Variants in ZNF787 observed in about 807,000 individuals in gnomAD.
ZNF787 encodes the protein TTF-I-interacting peptide 20.
In ZNF787, 7 loss-of-function variants were observed where a neutral mutation model predicts 16.9. The observed-to-expected ratio is 0.42, with a 90% CI of 0.24 to 0.78. The LOEUF is 0.78. Ranked by LOEUF, ZNF787 falls within the 30% of genes least tolerant of loss-of-function variation. The probability of loss-of-function intolerance (pLI) is 0.30; values close to 1 mark genes in which losing one functional copy is unlikely to be tolerated. For synonymous variants in ZNF787, 345 were observed against 270.9 expected, an observed-to-expected ratio of 1.27 and a Z score of -2.69; for missense variants, 551 against 589.3, an observed-to-expected ratio of 0.94 and a Z score of 0.67.
chr19:56,099,567 C>T (rs1986008472), intron 2 of ZNF787, among the ~76,000 whole-genome samples: 2 of 152,050 alleles, frequency 1.3e-5, no homozygotes, highest in South Asian at 4.2e-4. Context: ...AAAAATCAGC[C>T]AGGCATGGTG....
At chr19:56,120,711 C>G (rs1002461634) in intron 1 of ZNF787, among the ~76,000 whole-genome samples, 4 of 152,098 alleles carry the variant, frequency 2.6e-5, no homozygotes, top group African/African-American at 4.8e-5. Flanking sequence ...ACCGCGCGGC[C>G]CCTTCCCCCA....
rs565935218 is a variant in ZNF787, at chr19:56,094,660, G to A, written c.80-5568C>T. On this transcript the variant is annotated intron_variant, in intron 2 of 2. Transcript: ENST00000610935. The stretch of plus-strand genomic sequence containing the variant: ...TTGTGATTATGCTGTTCTTTCACAC[G>A]CTGCACTGCCTCAGCTCGTTCACAA... Among the ~76,000 whole-genome samples the A allele has an allele frequency of 1.2e-4, 18 of 152,234 alleles. No homozygotes were observed. In the South Asian group the frequency reaches 1.2e-3, roughly 11 times the overall value.
At chr19:56,094,963 A>C (rs1360752982) in intron 2 of ZNF787, among the ~76,000 whole-genome samples, 2 of 152,054 alleles carry the variant, frequency 1.3e-5, no homozygotes, top group African/African-American at 4.8e-5. Context: ...AAAATACAAA[A>C]ATTAGCTGAG....
chr19:56,117,826 G>A (rs184275830), intron 1 of ZNF787, among the ~76,000 whole-genome samples: 74 of 152,332 alleles, frequency 4.9e-4, no homozygotes, highest in African/African-American at 1.7e-3. Flanking sequence ...AGGAATCCAT[G>A]GCTCTGACTG....
At chr19:56,120,128 G>A (rs1030952710) in intron 1 of ZNF787, among the ~76,000 whole-genome samples, 2 of 152,202 alleles carry the variant, frequency 1.3e-5, no homozygotes, top group Admixed American at 6.5e-5. Flanking sequence ...CCGGGTCTCA[G>A]TCTCTGCCTT....
At chr19:56,095,095 T>C (rs1985822204) in intron 2 of ZNF787, among the ~76,000 whole-genome samples, 1 of 152,132 alleles carries the variant, frequency 6.6e-6, no homozygotes, top group Admixed American at 6.6e-5. Flanking sequence ...GCCTCAGTGA[T>C]AGAGCGAGAC....
At chr19:56,090,628 C>G (rs550571297) in intron 2 of ZNF787, among the ~76,000 whole-genome samples, 1 of 152,192 alleles carries the variant, frequency 6.6e-6, no homozygotes, top group African/African-American at 2.4e-5. Context: ...TCAAGACTAT[C>G]CTGGCCAACA....
Position 56,102,862 on chromosome 19 carries a change from C to A in ZNF787, c.79+277G>T, listed in dbSNP as rs765938260. ...TCAACAGACGGGGGTGCTGCCCAGGCTGGAGGGGCAAGGACAGAGGAAGTC... is the reference window on the plus strand; with the variant it reads ...TCAACAGACGGGGGTGCTGCCCAGGATGGAGGGGCAAGGACAGAGGAAGTC... On this transcript the variant is annotated intron_variant, in intron 2 of 2. Coordinates refer to ENST00000610935, the MANE Select transcript of ZNF787 (RefSeq NM_001002836.4). 22 of 701,942 alleles carry A rather than the reference C, an allele frequency of 3.1e-5. 1 individual carries two copies. In the South Asian group the frequency reaches 3.3e-4, roughly 10 times the overall value. The allele number at this position is 701,942 out of a possible 1,614,324, so 43.5% of individuals were successfully genotyped here. A position where few individuals can be genotyped will look rare whatever the true frequency, so the allele number is the denominator to read the frequency against.
chr19:56,092,467 G>A (rs1985649057), intron 2 of ZNF787, among the ~76,000 whole-genome samples: 1 of 150,920 alleles, frequency 6.6e-6, no homozygotes, highest in Non-Finnish European at 1.5e-5. Context: ...ACTACTCCAG[G>A]AAGCCCAGGT....
In ZNF787 at chr19:56,088,027, C is replaced by T. The variant is rs1273650503; in HGVS notation, c.1145G>A (p.Arg382Gln). Residue 382 changes from arginine (R) to glutamine (Q), a missense_variant, in exon 3 of 3, where the codon CGG (arginine) becomes CAG (glutamine). By Grantham distance (43) the Arg-to-Gln change is conservative. Around this residue, in one of 4 missense-constraint regions of ZNF787, gnomAD observed 392 missense variants for 312.7 expected, o/e 1.25. Transcript: ENST00000610935. This position sits in a 1 kb window ranked among gnomAD's most constrained non-coding sequence, Gnocchi z 8.6. ...RCPECRGGEG[R>Q] Reference sequence around the variant, plus strand: ...CCCCCCCCCCGGGCCCCTCCCCTACCGGCCCTCCCCACCGCGGCACTCGGG... The same window carrying T: ...CCCCCCCCCCGGGCCCCTCCCCTACTGGCCCTCCCCACCGCGGCACTCGGG... 3 of 1,203,326 alleles carry T rather than the reference C, an allele frequency of 2.5e-6. No homozygotes were observed. Among genetic ancestry groups the T allele is most frequent in the South Asian group, 3.0e-5 (1 of 33,738 alleles). 74.5% of individuals were successfully genotyped at this position (1,203,326 alleles called of 1,614,324 possible).
At chr19:56,115,329 C>T (rs1442040034) in intron 1 of ZNF787, among the ~76,000 whole-genome samples, 1 of 150,902 alleles carries the variant, frequency 6.6e-6, no homozygotes, top group African/African-American at 2.4e-5. Context: ...CTCTAGAGGC[C>T]GGCCGCGGCA....
At chr19:56,120,069 C>G (rs1429586543) in intron 1 of ZNF787, among the ~76,000 whole-genome samples, 1 of 152,244 alleles carries the variant, frequency 6.6e-6, no homozygotes, top group Admixed American at 6.5e-5. Context: ...CCACAGCCCC[C>G]AGACCTCTCC....
intron 1 of ZNF787, among the ~76,000 whole-genome samples, chr19:56,117,076 C>T (rs1050894700): frequency 1.1e-4 from 16 of 152,204 alleles, no homozygotes; most frequent in African/African-American, 3.9e-4. Flanking sequence ...GAACCAGCCA[C>T]ATGACCTGGG....
At chr19:56,098,465 TTACG>T (rs777701306) in intron 2 of ZNF787, among the ~76,000 whole-genome samples, 8 of 147,960 alleles carry the variant, frequency 5.4e-5, no homozygotes, top group South Asian at 4.4e-4. Context: ...CGCAGGGTGA[TTACG>T]GCCGCAAGGT....
At chr19:56,105,710 A>C (rs962339873) in intron 1 of ZNF787, among the ~76,000 whole-genome samples, 4 of 151,932 alleles carry the variant, frequency 2.6e-5, no homozygotes, top group South Asian at 4.1e-4. Context: ...CAGGGCCCAC[A>C]CTTCTTTATT....
intron 2 of ZNF787, among the ~76,000 whole-genome samples, chr19:56,101,216 A>G (rs953527020): frequency 2.1e-4 from 13 of 62,902 alleles, no homozygotes; most frequent in African/African-American, 6.1e-4. Flanking sequence ...TCACTGTCAC[A>G]TAGGGGGGAC....
intron 2 of ZNF787, chr19:56,102,579 C>G (rs1246883091): frequency 6.8e-6 from 3 of 439,392 alleles, no homozygotes; most frequent in Non-Finnish European, 8.1e-6. Context: ...AAACACATTG[C>G]CAATGTCCAA....
At chr19:56,104,792 C>T (rs1377575188) in intron 1 of ZNF787, among the ~76,000 whole-genome samples, 3 of 152,272 alleles carry the variant, frequency 2.0e-5, no homozygotes, top group South Asian at 2.1e-4. Flanking sequence ...CTTTGCCACG[C>T]GCCCGAGTTG....
At chr19:56,098,443 G>A (rs1013308183) in intron 2 of ZNF787, among the ~76,000 whole-genome samples, 2 of 152,036 alleles carry the variant, frequency 1.3e-5, no homozygotes, top group African/African-American at 4.8e-5. Context: ...TACGGCCGCA[G>A]GGTGATACGG....
Sources: gnomAD v4.1 joint callset for allele counts (sites outside exome capture counted in the v4.1 genomes callset) on GRCh38, gnomAD v4.1.1 for gene constraint, gnomAD v4.1.1 regional missense constraint, Gnocchi (gnomAD v3.1) non-coding constraint, MANE v1.5 for transcripts, NCBI Gene and HGNC (gene_info 2026-07-23, HGNC 2026-07-21) for gene names.